Variants in PWWP2A observed in about 807,000 individuals in gnomAD.
The protein encoded by PWWP2A is PWWP domain containing 2A.
Under a neutral mutation model 48.5 loss-of-function variants are expected in PWWP2A, and 18 were observed. The observed-to-expected ratio is 0.37, with a 90% CI of 0.26 to 0.55. The LOEUF is 0.55. Ranked by LOEUF, PWWP2A falls within the 20% of genes least tolerant of loss-of-function variation. The probability of loss-of-function intolerance (pLI) is 0.81; values close to 1 mark genes in which losing one functional copy is unlikely to be tolerated. For synonymous variants in PWWP2A, 396 were observed against 387.7 expected, an observed-to-expected ratio of 1.02 and a Z score of -0.25; for missense variants, 867 against 976.4, an observed-to-expected ratio of 0.89 and a Z score of 1.49.
Position 160,093,288 on chromosome 5 carries a change from T to C in PWWP2A, c.1362A>G (p.Ser454=). 6.2e-7 allele frequency: 1 copy of C among 1,614,056 alleles called. No homozygotes were observed. The highest frequency in any genetic ancestry group is 8.5e-7 in the Non-Finnish European group (1 of 1,179,898). Residue 454 remains serine (S), a synonymous_variant, in exon 2 of 2, where the codon TCA becomes TCG. Coordinates refer to ENST00000307063, the MANE Select transcript of PWWP2A (RefSeq NM_001130864.2). This position sits in a 1 kb window ranked among gnomAD's most constrained non-coding sequence, Gnocchi z 5.8. ...NETSTSKNAH[S]KVHFTRRYQN... is the part of the protein sequence containing the mutation. ...GATATCGACGTGTGAAATGGACTTT[T>C]GAATGTGCATTTTTGGAAGTAGAGG...
At chr5:160,109,942 A>T (rs1212846621) in intron 1 of PWWP2A, among the ~76,000 whole-genome samples, 1 of 150,170 alleles carries the variant, frequency 6.7e-6, no homozygotes, top group Non-Finnish European at 1.5e-5. Flanking sequence ...AAGAAAATTA[A>T]CCAATTGCAA....
At chr5:160,107,540 T>C (rs973359469) in intron 1 of PWWP2A, among the ~76,000 whole-genome samples, 1 of 152,200 alleles carries the variant, frequency 6.6e-6, no homozygotes, top group Admixed American at 6.5e-5. Flanking sequence ...TCATTTTTTA[T>C]CAATATGAAA....
At chr5:160,073,004 CAAAAAAAAAAAA>C (rs35836307), downstream of PWWP2A, among the ~76,000 whole-genome samples, 1 of 58,858 alleles carries the variant, frequency 1.7e-5, no homozygotes, top group African/African-American at 7.5e-5. Flanking sequence ...GGCTCCGTCT[CAAAAAAAAAAAA>C]AAAAAAAAAA....
At chr5:160,073,058 G>A (rs1262605555), downstream of PWWP2A, among the ~76,000 whole-genome samples, 2 of 148,340 alleles carry the variant, frequency 1.3e-5, no homozygotes, top group Non-Finnish European at 3.0e-5. Flanking sequence ...CAGGGGTTTC[G>A]GCCTTGGCTG....
At position 160,078,738 on chromosome 5, in the gene PWWP2A, A is replaced by G. The variant is rs564151032; in HGVS notation, c.1670-570T>C. Among the ~76,000 whole-genome samples, 4 of 152,354 alleles carry G rather than the reference A, an allele frequency of 2.6e-5. No individual in the cohort carries two copies. In the South Asian group the frequency reaches 6.2e-4, roughly 24 times the overall value. On this transcript the variant is annotated intron_variant, in intron 3 of 3. Transcript: ENST00000456329. This position sits in a 1 kb window ranked among gnomAD's most constrained non-coding sequence, Gnocchi z 4.2. ...GCCTCCCCAGAAGTAGACACAGCACATCGGAAGGCATGAAGAGCACCATTT... is the reference window on the plus strand; with the variant it reads ...GCCTCCCCAGAAGTAGACACAGCACGTCGGAAGGCATGAAGAGCACCATTT...
the PWWP2A span, among the ~76,000 whole-genome samples, chr5:160,044,501 G>A: frequency 2.0e-5 from 3 of 152,198 alleles, no homozygotes; most frequent in Admixed American, 1.3e-4. Flanking sequence ...AGAACTGAGG[G>A]TCCCTCCCCT....
At chr5:160,091,145 A>C (rs1277716727), downstream of PWWP2A, 10 of 979,902 alleles carry the variant, frequency 1.0e-5, no homozygotes, top group East Asian at 7.9e-4. Context: ...TCTATACTAC[A>C]AAATCTTATT....
At chr5:160,106,479 C>T (rs1756905096) in intron 1 of PWWP2A, among the ~76,000 whole-genome samples, 1 of 151,726 alleles carries the variant, frequency 6.6e-6, no homozygotes, top group South Asian at 2.1e-4. Flanking sequence ...AACTTGGCAA[C>T]CTTCTTAGAT....
downstream of PWWP2A, chr5:160,091,265 A>G (rs1175396466): frequency 1.4e-5 from 14 of 976,004 alleles, no homozygotes; most frequent in Non-Finnish European, 1.7e-5. Context: ...CATCTCTTCT[A>G]AACACTCTTA....
chr5:160,080,722 G>A (rs1442978190), exon 3 of PWWP2A: 2 of 1,574,634 alleles, frequency 1.3e-6, no homozygotes, highest in Non-Finnish European at 1.7e-6. Flanking sequence ...CTGTAAGGGA[G>A]CAGCAGGACT....
At chr5:160,044,894 G>A in the PWWP2A span, among the ~76,000 whole-genome samples, 1 of 152,072 alleles carries the variant, frequency 6.6e-6, no homozygotes, top group South Asian at 2.1e-4. Context: ...AATTAATTTG[G>A]TGCCCTCTCT....
intron 1 of PWWP2A, among the ~76,000 whole-genome samples, chr5:160,103,956 T>C (rs2113611373): frequency 6.7e-6 from 1 of 149,376 alleles, no homozygotes; most frequent in African/African-American, 2.4e-5. Context: ...ACCCCACCTC[T>C]ACTACAAATA....
intron 2 of PWWP2A, among the ~76,000 whole-genome samples, chr5:160,068,984 C>T (rs1753680294): frequency 6.6e-6 from 1 of 152,074 alleles, no homozygotes; most frequent in Non-Finnish European, 1.5e-5. Context: ...GCTTAGGAGG[C>T]TTACTTGCTA....
At chr5:160,086,111 G>A (rs9313835) in intron 2 of PWWP2A, among the ~76,000 whole-genome samples, 90,969 of 152,068 alleles carry the variant, frequency 0.6, 27,195 homozygotes, top group East Asian at 0.6. Flanking sequence ...GGGCCATCGC[G>A]CCCGGCCTTT....
At chr5:160,106,765 C>T (rs912067109) in intron 1 of PWWP2A, among the ~76,000 whole-genome samples, 5 of 151,720 alleles carry the variant, frequency 3.3e-5, no homozygotes, top group Admixed American at 6.6e-5. Context: ...TGCCCATCCC[C>T]ACATGATACA....
intron 1 of PWWP2A, among the ~76,000 whole-genome samples, chr5:160,109,275 C>T (rs1026567322): frequency 6.6e-6 from 1 of 151,976 alleles, no homozygotes; most frequent in Non-Finnish European, 1.5e-5. Context: ...TGATCCACTG[C>T]ACCCAGCTAC....
chr5:160,116,404 C>A, intron 1 of PWWP2A, among the ~76,000 whole-genome samples: 1 of 151,906 alleles, frequency 6.6e-6, no homozygotes, highest in Non-Finnish European at 1.5e-5. Context: ...TGCAGTGAGC[C>A]GAGATCGCAT....
intron 1 of PWWP2A, among the ~76,000 whole-genome samples, chr5:160,102,673 G>A (rs950293958): frequency 1.2e-4 from 18 of 152,256 alleles, no homozygotes; most frequent in African/African-American, 2.9e-4. Flanking sequence ...ATTACATAGC[G>A]GAGAAACAGG....
chr5:160,117,121 A>G (rs1041414563), intron 1 of PWWP2A, among the ~76,000 whole-genome samples: 3 of 151,972 alleles, frequency 2.0e-5, no homozygotes, highest in African/African-American at 7.2e-5. Context: ...AATAAAATAC[A>G]TCAATAGAAA....
Sources: allele counts gnomAD v4.1 joint callset (sites outside exome capture counted in the v4.1 genomes callset), GRCh38; gene constraint gnomAD v4.1.1; non-coding constraint Gnocchi (gnomAD v3.1); transcripts MANE v1.5; gene names NCBI Gene and HGNC (gene_info 2026-07-23, HGNC 2026-07-21).